Variants in PSG3 observed in about 807,000 individuals in gnomAD.
PSG3 encodes the protein pregnancy specific beta-1-glycoprotein 3.
A neutral mutation model predicts 47.5 loss-of-function variants in PSG3; 61 were observed. The observed-to-expected ratio is 1.28, with a 90% CI of 1.05 to 1.59. PSG3 has a LOEUF of 1.59. Among genes scored for constraint, PSG3 ranks in the 40% most tolerant of loss-of-function variants. PSG3 has a pLI of 0.00. For missense variants in PSG3, 756 were observed against 524.0 expected (o/e 1.44, Z -4.32); for synonymous variants, 263 against 198.4 (o/e 1.33, Z -2.74).
chr19:42,729,070 C>T lies in PSG3; in HGVS notation c.1243+53G>A, dbSNP rs112146170. The T allele has an allele frequency of 8.7e-6, 14 of 1,612,848 alleles. No individual in the cohort carries two copies. In the East Asian group the frequency reaches 2.9e-4, roughly 33 times the overall value. ...TGTTTTCCTGACTCTTCTCTGAAAG[C>T]CAGAGAGACTCCACCTAAAACTCTA... On this transcript the variant is annotated intron_variant, in intron 5 of 6. Coordinates refer to ENST00000327495, the MANE Select transcript of PSG3 (RefSeq NM_021016.4).
chr19:42,736,811 G>A (rs1025205597), intron 2 of PSG3, among the ~76,000 whole-genome samples: 22 of 152,130 alleles, frequency 1.4e-4, no homozygotes, highest in African/African-American at 5.3e-4. Flanking sequence ...AGTGACCTGG[G>A]GACATTGGCT....
chr19:42,729,669 A>G, intron 4 of PSG3, 109 bp downstream of exon 4: 1 of 1,561,472 alleles, frequency 6.4e-7, no homozygotes, highest in South Asian at 1.2e-5. Flanking sequence ...TCGGATGTCC[A>G]GAAGTAATGG....
intron 2 of PSG3, among the ~76,000 whole-genome samples, chr19:42,736,507 C>T (rs1257349467): frequency 6.6e-6 from 1 of 152,158 alleles, no homozygotes; most frequent in African/African-American, 2.4e-5. Context: ...AAGCCCTGAT[C>T]CACTGGGGAG....
rs137978284 is a variant in PSG3 at position 42,738,169 on chromosome 19, T to C, written c.430+555A>G. 7.5e-4 allele frequency among the ~76,000 whole-genome samples: 114 copies of C among 152,326 alleles called. 2 individuals carry two copies. The East Asian group carries it at 0.021, about 29-fold the overall frequency. ...GAAGAAAGCTCTGTCCTTGCCCAGA[T>C]GAGGCTCTGAGGGCTGAGCCCTGGC... On this transcript the variant is annotated intron_variant, in intron 2 of 6. Coordinates refer to ENST00000327495, the MANE Select transcript of PSG3 (RefSeq NM_021016.4).
intron 5 of PSG3, 114 bp from the exon 6 acceptor site, chr19:42,724,139 C>G: frequency 7.0e-7 from 1 of 1,430,816 alleles, no homozygotes; most frequent in East Asian, 2.3e-5. Context: ...TCAAGGACTA[C>G]GTTATTTCTG....
Position 42,729,193 on chromosome 19 carries a change from G to C in PSG3, c.1173C>G (p.Leu391=). 1.1e-5 allele frequency: 17 copies of C among 1,614,018 alleles called. No homozygotes were observed. The highest frequency in any genetic ancestry group is 1.4e-5 in the Non-Finnish European group (16 of 1,179,876). The change falls in exon 5 of 7, where the codon CTC becomes CTG. Residue 391 remains leucine, a synonymous_variant. Coordinates refer to ENST00000327495, the MANE Select transcript of PSG3 (RefSeq NM_021016.4). Reference sequence around the variant, plus strand: ...CTGAGTTACGAACAGAGCAAGCATAGAGCCCGCTATGCTTTGTAGTAATCT... The same window carrying C: ...CTGAGTTACGAACAGAGCAAGCATACAGCCCGCTATGCTTTGTAGTAATCT... ...IPQITTKHSG[L]YACSVRNSAT... is the part of the protein sequence containing the mutation.
At chr19:42,738,683 C>T (rs1323206777) in intron 2 of PSG3, 41 bp downstream of exon 2, 2 of 1,612,126 alleles carry the variant, frequency 1.2e-6, no homozygotes, top group Non-Finnish European at 1.7e-6. Flanking sequence ...GAAGTAAAGA[C>T]CCCATCCCCC....
In PSG3 at chr19:42,729,734, T is replaced by A. The variant is rs761845951; in HGVS notation, c.988+44A>T. The A allele has an allele frequency of 3.2e-6, 5 of 1,578,490 alleles. No homozygotes were observed. In the Admixed American group the frequency reaches 7.1e-5, roughly 23 times the overall value. On this transcript the variant is annotated intron_variant, in intron 4 of 6. Coordinates refer to ENST00000327495, the MANE Select transcript of PSG3 (RefSeq NM_021016.4). ...GAGGCCTGGCCTCTGGTCGTTTTGA[T>A]TTAAGCTGGTGTCCTGGCCCACAGA...
chr19:42,739,950 T>TC (rs1235247229), intron 1 of PSG3, among the ~76,000 whole-genome samples: 1 of 151,716 alleles, frequency 6.6e-6, no homozygotes, highest in African/African-American at 2.4e-5. Flanking sequence ...TTCTTTTTTC[T>TC]TTCCATTCTT....
intron 2 of PSG3, among the ~76,000 whole-genome samples, chr19:42,736,084 C>T (rs1463235559): frequency 6.6e-6 from 1 of 152,182 alleles, no homozygotes; most frequent in Non-Finnish European, 1.5e-5. Context: ...AAAAGTAACA[C>T]CCTTACTTTG....
intron 3 of PSG3, chr19:42,731,900 C>A (rs1210938655): frequency 2.6e-5 from 4 of 151,146 alleles, no homozygotes; most frequent in Admixed American, 2.0e-4. Context: ...AACTGAAATT[C>A]TTTCCTTAAT....
chr19:42,732,635 G>T lies in PSG3; in HGVS notation c.709+149C>A, dbSNP rs571094067. Reference sequence around the variant, plus strand: ...GTTGATCAAGCCTAGGCCTACTCTGGTTTGCCTGGGGCAGAAAGTCATGGC... The same window carrying T: ...GTTGATCAAGCCTAGGCCTACTCTGTTTTGCCTGGGGCAGAAAGTCATGGC... On this transcript the variant is annotated intron_variant, in intron 3 of 6. Coordinates refer to ENST00000327495, the MANE Select transcript of PSG3 (RefSeq NM_021016.4). 602 of 1,570,484 alleles carry T rather than the reference G, an allele frequency of 3.8e-4. 9 individuals are homozygous for T. The South Asian group carries it at 6.4e-3, about 17-fold the overall frequency.
intron 2 of PSG3, among the ~76,000 whole-genome samples, chr19:42,735,791 C>A (rs569614533): frequency 1.6e-4 from 25 of 152,242 alleles, no homozygotes; most frequent in African/African-American, 6.0e-4. Flanking sequence ...AGGAAGTGAC[C>A]GGAGAATGTG....
At chr19:42,723,913 A>G (rs1484643592) in intron 6 of PSG3, 29 bp downstream of exon 6, 1 of 1,512,028 alleles carries the variant, frequency 6.6e-7, no homozygotes, top group Non-Finnish European at 9.2e-7. Context: ...GCCCTGCAGG[A>G]ACCAGGATAA....
chr19:42,739,291 C>T (rs1969626429), intron 1 of PSG3: 2 of 930,566 alleles, frequency 2.1e-6, no homozygotes, highest in South Asian at 1.9e-5. Flanking sequence ...AGGTCAGCAA[C>T]ATGACCCCCA....
chr19:42,726,809 A>G (rs967860647), intron 5 of PSG3, among the ~76,000 whole-genome samples: 3 of 152,216 alleles, frequency 2.0e-5, no homozygotes, highest in Admixed American at 1.3e-4. Flanking sequence ...ATTGCATCTC[A>G]TGACTCTAAA....
chr19:42,738,805 C>T lies in PSG3; in HGVS notation c.349G>A (p.Ala117Thr), dbSNP rs200117711. Residue 117 changes from alanine (A) to threonine (T), a missense_variant, in exon 2 of 7, where the codon GCA (alanine) becomes ACA (threonine). Ala to Thr is a moderately conservative substitution (Grantham distance 58). Transcript: ENST00000327495. ...LLIQNVTRED[A>T]GSYTLHIVKR... ...ACGATGTGTAAGGTGTAGGATCCTGCGTCCTCCCGGGTGACATTCTGGATC... is the reference window on the plus strand; with the variant it reads ...ACGATGTGTAAGGTGTAGGATCCTGTGTCCTCCCGGGTGACATTCTGGATC... 30 of 1,614,076 alleles carry T rather than the reference C, an allele frequency of 1.9e-5. No homozygotes were observed. The highest frequency in any genetic ancestry group is 5.0e-5 in the Admixed American group (3 of 60,016).
chr19:42,726,722 G>A (rs1232416194), intron 5 of PSG3, among the ~76,000 whole-genome samples: 3 of 152,132 alleles, frequency 2.0e-5, no homozygotes, highest in Non-Finnish European at 4.4e-5. Context: ...CCTGACGTGA[G>A]CTGCAGATTC....
intron 5 of PSG3, among the ~76,000 whole-genome samples, chr19:42,725,269 G>A (rs1041135742): frequency 1.3e-5 from 2 of 152,124 alleles, no homozygotes; most frequent in Non-Finnish European, 2.9e-5. Flanking sequence ...GAGAAATTGA[G>A]TCTTGTGCAA....
Sources: gnomAD v4.1 joint callset for allele counts (sites outside exome capture counted in the v4.1 genomes callset) on GRCh38, gnomAD v4.1.1 for gene constraint, MANE v1.5 for transcripts, NCBI Gene and HGNC (gene_info 2026-07-23, HGNC 2026-07-21) for gene names.